The following CWH43 variants were observed in gnomAD, a reference collection of about 807,000 sequenced individuals.
CWH43 encodes cell wall biogenesis 43 C-terminal homolog.
In CWH43, 91 loss-of-function variants were observed where a neutral mutation model predicts 85.7. The observed-to-expected ratio is 1.06, with a 90% confidence interval of 0.90 to 1.26. The LOEUF is 1.26. Among genes scored for constraint, CWH43 ranks in the 50% most tolerant of loss-of-function variants. The pLI, the probability that CWH43 is intolerant of heterozygous loss-of-function variation, is 0.00. For synonymous variants in CWH43, 323 were observed against 293.6 expected (o/e 1.10, Z -1.02); for missense variants, 869 against 839.2 (o/e 1.04, Z -0.44).
At chr4:49,008,319 G>T (rs968723270) in intron 8 of CWH43, among the ~76,000 whole-genome samples, 1 of 151,588 alleles carries the variant, frequency 6.6e-6, no homozygotes, top group Non-Finnish European at 1.5e-5. Flanking sequence ...TGATGGAGTC[G>T]TTTGTTTTTT....
intron 15 of CWH43, among the ~76,000 whole-genome samples, chr4:49,061,589 T>C (rs1201850094): frequency 6.6e-6 from 1 of 152,198 alleles, no homozygotes; most frequent in African/African-American, 2.4e-5. Context: ...TTTTCAGCAA[T>C]GCTAGCCAAT....
In CWH43 at chr4:48,998,522, G is replaced by A; in HGVS notation, c.776G>A (p.Gly259Asp). Residue 259 changes from glycine to aspartate, a missense_variant, in exon 6 of 16, where the codon GGT (glycine) becomes GAT (aspartate). Around this residue, in one of 3 missense-constraint regions of CWH43, gnomAD observed 152 missense variants for 203.6 expected, o/e 0.75. Coordinates refer to ENST00000226432, the MANE Select transcript of CWH43 (RefSeq NM_025087.3). ...CTTCCATCTTGTTTGTGGTTTCGTG[G>A]TACTGGTTTGATCTGGTGGGTTACA... ...LMLPSCLWFR[G>D]TGLIWWVTGT... is the part of the protein sequence containing the mutation. 6.2e-7 allele frequency: 1 copy of A among 1,613,902 alleles called. No individual in the cohort carries two copies.
At chr4:49,037,187 T>A (rs913853071) in intron 12 of CWH43, among the ~76,000 whole-genome samples, 5 of 152,166 alleles carry the variant, frequency 3.3e-5, no homozygotes, top group Non-Finnish European at 7.3e-5. Context: ...CCCACCTAAG[T>A]ATCTCAGTTA....
intron 7 of CWH43, among the ~76,000 whole-genome samples, chr4:49,005,904 C>T (rs879835781): frequency 5.9e-5 from 9 of 152,144 alleles, no homozygotes; most frequent in African/African-American, 9.7e-5. Context: ...TTCTACCCCA[C>T]GAGCTAGACA....
At chr4:48,998,403 T>G (rs766898371) in intron 5 of CWH43, 57 bp from the exon 6 acceptor site, 31 of 1,302,704 alleles carry the variant, frequency 2.4e-5, no homozygotes, top group Non-Finnish European at 3.5e-5. Flanking sequence ...TATTTTATAT[T>G]CGGGATGATG....
intron 7 of CWH43, 200 bp from the exon 8 acceptor site, chr4:49,007,001 C>A: frequency 2.2e-6 from 1 of 453,648 alleles, no homozygotes; most frequent in South Asian, 7.3e-5. Context: ...TCATTTAAAG[C>A]ACGATTCCTA....
intron 6 of CWH43, among the ~76,000 whole-genome samples, chr4:49,001,857 A>G (rs1376789813): frequency 6.6e-6 from 1 of 152,202 alleles, no homozygotes; most frequent in Admixed American, 6.5e-5. Flanking sequence ...TTTTAAAAAC[A>G]GTCATTGTAA....
At position 49,003,985 on chromosome 4, in the gene CWH43, G is replaced by A. The variant is rs1432961608; in HGVS notation, c.1053G>A (p.Val351=). ...GGVYARERSD[V]LLGTMMLIIG... ...TCTACGCTAGAGAAAGATCAGATGT[G>A]CTTTTGGGTGAGTACATTTGAAAGG... is the stretch of plus-strand genomic sequence containing the variant. The change falls in exon 7 of 16, where the codon GTG becomes GTA. Residue 351 remains valine (V), a synonymous_variant. Transcript: ENST00000226432. 1.9e-6 allele frequency: 3 copies of A among 1,608,854 alleles called. No individual in the cohort carries two copies. Among genetic ancestry groups the A allele is most frequent in the Non-Finnish European group, 2.5e-6 (3 of 1,178,694 alleles).
intron 15 of CWH43, among the ~76,000 whole-genome samples, chr4:49,051,738 G>A (rs1784805193): frequency 6.6e-6 from 1 of 152,014 alleles, no homozygotes; most frequent in African/African-American, 2.4e-5. Flanking sequence ...CCTGATGCCT[G>A]GCTAATTTTT....
intron 8 of CWH43, among the ~76,000 whole-genome samples, chr4:49,013,924 G>A (rs965498755): frequency 3.3e-5 from 5 of 152,138 alleles, no homozygotes; most frequent in African/African-American, 1.2e-4. Context: ...AAAATGTACT[G>A]AATGTATTTA....
At chr4:49,061,047 C>A (rs1266650786) in intron 15 of CWH43, among the ~76,000 whole-genome samples, 1 of 151,890 alleles carries the variant, frequency 6.6e-6, no homozygotes, top group Non-Finnish European at 1.5e-5. Flanking sequence ...ATGGATGCAC[C>A]AACATTTAGC....
At chr4:49,013,318 C>T (rs536015107) in intron 8 of CWH43, among the ~76,000 whole-genome samples, 11 of 152,378 alleles carry the variant, frequency 7.2e-5, no homozygotes, top group African/African-American at 2.6e-4. Context: ...ATGGTATCTC[C>T]TGTTCTGCCG....
chr4:49,036,982 G>T (rs1219274769), intron 12 of CWH43, among the ~76,000 whole-genome samples: 2 of 152,140 alleles, frequency 1.3e-5, no homozygotes, highest in African/African-American at 4.8e-5. Context: ...AGCTGTAGAG[G>T]TGGTACTGGT....
intron 13 of CWH43, among the ~76,000 whole-genome samples, chr4:49,039,335 T>TATATATATATA (rs1560509180): frequency 2.1e-3 from 11 of 5,206 alleles, no homozygotes; most frequent in Admixed American, 4.1e-3. Context: ...ATATATATAC[T>TATATATATATA]GATGTATATA....
intron 13 of CWH43, 73 bp from the exon 14 acceptor site, chr4:49,044,713 C>G (rs1291571373): frequency 5.3e-6 from 6 of 1,124,726 alleles, no homozygotes; most frequent in Non-Finnish European, 8.0e-6. Context: ...ATGTAGCTCA[C>G]ACATTTTTTG....
chr4:48,994,512 C>G, intron 4 of CWH43, 107 bp from the exon 5 acceptor site: 3 of 904,042 alleles, frequency 3.3e-6, no homozygotes, highest in Non-Finnish European at 5.3e-6. Flanking sequence ...CCGAAGTAAG[C>G]TTCTTGAAGC....
At position 49,058,154 on chromosome 4, in the gene CWH43, T is replaced by C. The variant is rs368298379; in HGVS notation, c.2022-3658T>C. ...TTTAAAGAATTGTTTTCTGACTGTTTTACAGTTCCTTCATTCTATTCTTCC... is the reference window on the plus strand; with the variant it reads ...TTTAAAGAATTGTTTTCTGACTGTTCTACAGTTCCTTCATTCTATTCTTCC... On this transcript the variant is annotated intron_variant, in intron 15 of 15. Transcript: ENST00000226432. 3.3e-5 allele frequency among the ~76,000 whole-genome samples: 5 copies of C among 152,224 alleles called. No homozygotes were observed. In the South Asian group the frequency reaches 1.0e-3, roughly 32 times the overall value.
chr4:49,016,086 C>T (rs2109781930), intron 8 of CWH43, among the ~76,000 whole-genome samples: 1 of 152,132 alleles, frequency 6.6e-6, no homozygotes, highest in East Asian at 1.9e-4. Flanking sequence ...TTACTTTAAG[C>T]TCATGGTCCT....
In CWH43 at chr4:48,997,164, G is replaced by C. The variant is rs181860312; in HGVS notation, c.714-1296G>C. Among the ~76,000 whole-genome samples, 166 of 152,082 alleles carry C rather than the reference G, an allele frequency of 1.1e-3. 1 individual carries two copies. Among genetic ancestry groups the C allele is most frequent in the Non-Finnish European group, 2.0e-3 (138 of 68,004 alleles). On this transcript the variant is annotated intron_variant, in intron 5 of 15. Transcript: ENST00000226432. The stretch of plus-strand genomic sequence containing the variant: ...AACCAGCTTGAGAAATGTTGCATTA[G>C]GCCATCATCATGAATAGCTGGGACT...
Sources: gnomAD v4.1 joint callset for allele counts (sites outside exome capture counted in the v4.1 genomes callset) on GRCh38, gnomAD v4.1.1 for gene constraint, gnomAD v4.1.1 regional missense constraint, MANE v1.5 for transcripts, NCBI Gene and HGNC (gene_info 2026-07-23, HGNC 2026-07-21) for gene names.